Variants in PCDHGA5 observed in about 807,000 individuals in gnomAD.
PCDHGA5 encodes the protein protocadherin gamma subfamily A, 5.
A neutral mutation model predicts 56.7 loss-of-function variants in PCDHGA5; 36 were observed. The ratio of observed to expected loss-of-function variants is 0.64; its 90% CI spans 0.49 to 0.84. The LOEUF (loss-of-function observed/expected upper bound fraction) is 0.84. Ranked by LOEUF, PCDHGA5 falls within the 40% of genes least tolerant of loss-of-function variation. The pLI, the probability that PCDHGA5 is intolerant of heterozygous loss-of-function variation, is 0.00. For missense variants in PCDHGA5, 1,305 were observed against 1,201.5 expected (o/e 1.09, Z -1.27); for synonymous variants, 563 against 520.2 (o/e 1.08, Z -1.12).
At position 141,476,090 on chromosome 5, in the gene PCDHGA5, C is replaced by T; in HGVS notation, c.2422-18717C>T. On this transcript the variant is annotated intron_variant, in intron 1 of 3. Coordinates refer to ENST00000518069, the MANE Select transcript of PCDHGA5 (RefSeq NM_018918.3). The surrounding 1 kb of genome is among the most constrained non-coding windows in gnomAD (Gnocchi z 7.6). ...GAAATCTCAGGGACGATCTGGACCC[C>T]GCTGAGAGGAACTGCTTTTGAGTGA... 3 of 1,562,222 alleles carry T rather than the reference C, an allele frequency of 1.9e-6. No individual in the cohort carries two copies. Among genetic ancestry groups the T allele is most frequent in the African/African-American group, 1.4e-5 (1 of 73,764 alleles).
Position 141,365,297 on chromosome 5 carries a change from G to A in PCDHGA5, c.967G>A (p.Asp323Asn), listed in dbSNP as rs538677777. Residue 323 changes from aspartate (D) to asparagine (N), a missense_variant, in exon 1 of 4, where the codon GAT becomes AAT. Coordinates refer to ENST00000518069, the MANE Select transcript of PCDHGA5 (RefSeq NM_018918.3). ...CTACCTCATGGAAGTGGTAGCTCAG[G>A]ATGGAGGCGCTCTTGTTGCCAGCGC... ...RFYLMEVVAQ[D>N]GGALVASAKV... 1.9e-6 allele frequency: 3 copies of A among 1,614,014 alleles called. No individual in the cohort carries two copies. Among genetic ancestry groups the A allele is most frequent in the East Asian group, 4.5e-5 (2 of 44,878 alleles).
rs2097372368 is a variant in PCDHGA5 at position 141,431,422 on chromosome 5, G to A, written c.2422-63385G>A. On this transcript the variant is annotated intron_variant, in intron 1 of 3. Coordinates refer to ENST00000518069, the MANE Select transcript of PCDHGA5 (RefSeq NM_018918.3). This position sits in a 1 kb window ranked among gnomAD's most constrained non-coding sequence, Gnocchi z 4.8. ...CGGCCTCCGACGGGGGCGACCCGGTGCGCACAGGCACCGCGCGCATCCGCG... is the reference window on the plus strand; with the variant it reads ...CGGCCTCCGACGGGGGCGACCCGGTACGCACAGGCACCGCGCGCATCCGCG... 6.2e-7 allele frequency: 1 copy of A among 1,613,710 alleles called. No individual in the cohort carries two copies. The highest frequency in any genetic ancestry group is 2.2e-5 in the East Asian group (1 of 44,882).
intron 3 of PCDHGA5, among the ~76,000 whole-genome samples, chr5:141,507,803 G>GAC (rs2099863701): frequency 6.6e-6 from 1 of 152,228 alleles, no homozygotes; most frequent in Admixed American, 6.5e-5. Flanking sequence ...CCTGCGCCCT[G>GAC]GGGAACGGAC....
At chr5:141,383,860 G>T (rs772168555) in intron 1 of PCDHGA5, 11 of 1,613,926 alleles carry the variant, frequency 6.8e-6, no homozygotes, top group Non-Finnish European at 9.3e-6. Flanking sequence ...GGAGGTTCAG[G>T]CTCAAGATGG....
intron 1 of PCDHGA5, chr5:141,427,201 A>G (rs1272966114): frequency 4.4e-6 from 2 of 456,618 alleles, no homozygotes; most frequent in African/African-American, 4.0e-5. Flanking sequence ...GACTTAATAG[A>G]CTTCGAATTT....
Position 141,374,077 on chromosome 5 carries a change from G to A in PCDHGA5, c.2421+7326G>A, listed in dbSNP as rs530727064. 38 of 1,515,728 alleles carry A rather than the reference G, an allele frequency of 2.5e-5. No individual in the cohort carries two copies. The African/African-American group carries it at 3.6e-4, about 14-fold the overall frequency. 93.9% of individuals were successfully genotyped at this position (1,515,728 alleles called of 1,614,324 possible). A position where few individuals can be genotyped will look rare whatever the true frequency, so the allele number is the denominator to read the frequency against. ...TTAATCCCAGAGAAGTTCCTAATAA[G>A]CCAGTAATGGCGCCTCCGCAGAGGC... On this transcript the variant is annotated intron_variant, in intron 1 of 3. Coordinates refer to ENST00000518069, the MANE Select transcript of PCDHGA5 (RefSeq NM_018918.3).
intron 2 of PCDHGA5, 102 bp from the exon 3 acceptor site, chr5:141,505,291 G>A (rs2154593677): frequency 1.3e-6 from 2 of 1,565,092 alleles, no homozygotes; most frequent in Non-Finnish European, 1.7e-6. Context: ...TGGGCATGGG[G>A]TAGGGTTAGG....
In PCDHGA5 at chr5:141,407,982, G is replaced by C. The variant is rs976187867; in HGVS notation, c.2421+41231G>C. On this transcript the variant is annotated intron_variant, in intron 1 of 3. Coordinates refer to ENST00000518069, the MANE Select transcript of PCDHGA5 (RefSeq NM_018918.3). Reference sequence around the variant, plus strand: ...GAGCAAGCGCTGACGCCGGGGATCCGTCAGCCTCTGGCCTGGGATTCCCTG... The same window carrying C: ...GAGCAAGCGCTGACGCCGGGGATCCCTCAGCCTCTGGCCTGGGATTCCCTG... 1.5e-4 allele frequency: 114 copies of C among 783,006 alleles called. 1 individual carries two copies. Among genetic ancestry groups the C allele is most frequent in the African/African-American group, 9.1e-4 (52 of 57,436 alleles). The allele number at this position is 783,006 out of a possible 1,614,324, so 48.5% of individuals were successfully genotyped here.
intron 1 of PCDHGA5, chr5:141,371,032 C>G (rs547337082): frequency 6.2e-7 from 1 of 1,614,002 alleles, no homozygotes; most frequent in South Asian, 1.1e-5. Context: ...CTGGTCCTCA[C>G]AGCTGTGGAT....
chr5:141,364,895 C>T lies in PCDHGA5; in HGVS notation c.565C>T (p.Gln189Ter), dbSNP rs200656228. The T allele has an allele frequency of 3.7e-6, 6 of 1,613,860 alleles. No homozygotes were observed. The African/African-American group carries it at 6.7e-5, about 18-fold the overall frequency. Reference protein sequence around the residue: ...SLDVVSGTDGQKYPELVLEQP... With the variant: ...SLDVVSGTDG ...GGATGTGGTAAGCGGAACTGATGGA[C>T]AAAAGTATCCGGAGCTGGTGTTGGA... The change falls in exon 1 of 4, where the codon CAA (glutamine) becomes TAA (stop). Residue 189 changes from glutamine to a stop codon, truncating the protein, a stop_gained. Coordinates refer to ENST00000518069, the MANE Select transcript of PCDHGA5 (RefSeq NM_018918.3). LOFTEE classifies it high-confidence loss of function.
intron 1 of PCDHGA5, among the ~76,000 whole-genome samples, chr5:141,396,908 C>G (rs987572785): frequency 1.3e-5 from 2 of 152,146 alleles, no homozygotes; most frequent in Admixed American, 6.5e-5. Context: ...TGGCACTTTG[C>G]AATTTTAAAA....
rs774336426 is a variant in PCDHGA5, at chr5:141,366,405, A to G, written c.2075A>G (p.Tyr692Cys). Residue 692 changes from tyrosine to cysteine, a missense_variant, in exon 1 of 4, where the codon TAT becomes TGT. Coordinates refer to ENST00000518069, the MANE Select transcript of PCDHGA5 (RefSeq NM_018918.3). The part of the protein sequence containing the change: ...IDPEDLDLTL[Y>C]LVVAVAAVSC... The stretch of plus-strand genomic sequence containing the variant: ...CCTGAGGATCTGGACCTCACACTCT[A>G]TCTTGTGGTGGCAGTGGCTGCAGTC... The G allele has an allele frequency of 1.9e-6, 3 of 1,614,106 alleles. No homozygotes were observed. The highest frequency in any genetic ancestry group is 1.7e-6 in the Non-Finnish European group (2 of 1,180,018).
Position 141,428,338 on chromosome 5 carries a change from T to C in PCDHGA5, c.2421+61587T>C, listed in dbSNP as rs575215422. 427 of 592,394 alleles carry C rather than the reference T, an allele frequency of 7.2e-4. 1 individual carries two copies. The highest frequency in any genetic ancestry group is 1.3e-3 in the Non-Finnish European group (409 of 326,444). 36.7% of individuals were successfully genotyped at this position (592,394 alleles called of 1,614,324 possible). ...CTTGGCCTTGATTTCTATGCTCTTC[T>C]TCCTCGCAGTGATTTTGGCGGTCGC... On this transcript the variant is annotated intron_variant, in intron 1 of 3. Coordinates refer to ENST00000518069, the MANE Select transcript of PCDHGA5 (RefSeq NM_018918.3).
rs559316235 is a variant in PCDHGA5, at chr5:141,398,652, C to T, written c.2421+31901C>T. 27 of 1,613,990 alleles carry T rather than the reference C, an allele frequency of 1.7e-5. No homozygotes were observed. The East Asian group carries it at 5.1e-4, about 31-fold the overall frequency. ...TGCAGAAGTATAAACTCTCTCTTAA[C>T]CCAAGTTTCTCATTAATAATTAAGG... On this transcript the variant is annotated intron_variant, in intron 1 of 3. Coordinates refer to ENST00000518069, the MANE Select transcript of PCDHGA5 (RefSeq NM_018918.3).
chr5:141,393,622 A>C (rs776047060), intron 1 of PCDHGA5: 1 of 1,613,960 alleles, frequency 6.2e-7, no homozygotes, highest in Admixed American at 1.7e-5. Context: ...AGCGACCCGG[A>C]TGAGGGAATC....
chr5:141,435,629 A>G (rs2097772414), intron 1 of PCDHGA5, among the ~76,000 whole-genome samples: 1 of 152,162 alleles, frequency 6.6e-6, no homozygotes, highest in Admixed American at 6.5e-5. Flanking sequence ...TAACTTTTAC[A>G]ACTATGGGAA....
intron 1 of PCDHGA5, chr5:141,404,343 A>G (rs2094516679): frequency 3.1e-6 from 5 of 1,613,902 alleles, no homozygotes; most frequent in Non-Finnish European, 4.2e-6. Flanking sequence ...CTCCCGGAAA[A>G]CAACGCCAGA....
intron 1 of PCDHGA5, among the ~76,000 whole-genome samples, chr5:141,470,151 CT>C (rs746135943): frequency 7.2e-5 from 11 of 152,164 alleles, no homozygotes; most frequent in Non-Finnish European, 1.6e-4. Flanking sequence ...CATAGATCAT[CT>C]TATCAAATCA....
chr5:141,403,685 C>T, intron 1 of PCDHGA5: 4 of 1,613,822 alleles, frequency 2.5e-6, no homozygotes, highest in Non-Finnish European at 3.4e-6. Flanking sequence ...TTTTGCTCAA[C>T]GGATTTACCG....
Sources: gnomAD v4.1 joint callset for allele counts (sites outside exome capture counted in the v4.1 genomes callset) on GRCh38, gnomAD v4.1.1 for gene constraint, Gnocchi (gnomAD v3.1) non-coding constraint, MANE v1.5 for transcripts, NCBI Gene and HGNC (gene_info 2026-07-23, HGNC 2026-07-21) for gene names.